Variants in NECAB1 observed in about 807,000 individuals in gnomAD.
NECAB1 encodes the protein N-terminal EF-hand calcium binding protein 1.
In NECAB1, 29 loss-of-function variants were observed where a neutral mutation model predicts 57.5. The observed-to-expected ratio is 0.50, with a 90% CI of 0.38 to 0.69. NECAB1 has a LOEUF of 0.69. NECAB1 is among the 30% of genes least tolerant of loss of function. NECAB1 has a pLI of 0.00. For missense variants in NECAB1, 372 were observed against 413.8 expected (o/e 0.90, Z 0.88); for synonymous variants, 142 against 147.7 (o/e 0.96, Z 0.28).
chr8:90,868,454 T>A (rs1353992501), intron 3 of NECAB1, among the ~76,000 whole-genome samples: 2 of 152,160 alleles, frequency 1.3e-5, no homozygotes, highest in Non-Finnish European at 2.9e-5. Flanking sequence ...TCCATAGTGA[T>A]ATGGGCAGTG....
intron 2 of NECAB1, among the ~76,000 whole-genome samples, chr8:90,822,577 A>G (rs1812159284): frequency 6.6e-6 from 1 of 151,808 alleles, no homozygotes; most frequent in Non-Finnish European, 1.5e-5. Context: ...GCCCCAGAGA[A>G]TCATCAGAGC....
chr8:90,909,127 T>C (rs1809766232), intron 5 of NECAB1, among the ~76,000 whole-genome samples: 1 of 152,244 alleles, frequency 6.6e-6, no homozygotes, highest in South Asian at 2.1e-4. Context: ...TTGACAAAAC[T>C]ATAGTGGATA....
chr8:90,942,888 A>G (rs1810708737), intron 10 of NECAB1, among the ~76,000 whole-genome samples: 1 of 152,214 alleles, frequency 6.6e-6, no homozygotes, highest in African/African-American at 2.4e-5. Flanking sequence ...TTTCAAAAAA[A>G]AAGAAAAATG....
chr8:90,950,911 A>T (rs187381759), intron 11 of NECAB1, among the ~76,000 whole-genome samples: 4 of 152,250 alleles, frequency 2.6e-5, no homozygotes, highest in Non-Finnish European at 4.4e-5. Context: ...AAACCTTTTT[A>T]AAAAAGTTTC....
chr8:90,897,588 C>T (rs1809387811), intron 5 of NECAB1, among the ~76,000 whole-genome samples: 1 of 152,120 alleles, frequency 6.6e-6, no homozygotes, highest in South Asian at 2.1e-4. Context: ...AGATTGCATG[C>T]TTCAGCAATG....
At chr8:90,941,841 A>G (rs1411757317) in intron 10 of NECAB1, among the ~76,000 whole-genome samples, 1 of 152,200 alleles carries the variant, frequency 6.6e-6, no homozygotes, top group Non-Finnish European at 1.5e-5. Context: ...CCTCAAGTTC[A>G]GAGCCCAGGT....
intron 5 of NECAB1, among the ~76,000 whole-genome samples, chr8:90,914,219 G>A (rs993361222): frequency 6.6e-6 from 1 of 152,174 alleles, no homozygotes; most frequent in East Asian, 1.9e-4. Flanking sequence ...AAATGGGGAA[G>A]ATAGACAAAT....
At chr8:90,843,433 GTTCTTT>G (rs1812491182) in intron 3 of NECAB1, among the ~76,000 whole-genome samples, 1 of 152,132 alleles carries the variant, frequency 6.6e-6, no homozygotes, top group South Asian at 2.1e-4. Context: ...TTCTCCTTCT[GTTCTTT>G]TTCTTTAAGT....
chr8:90,837,798 C>A (rs892394399), intron 3 of NECAB1, among the ~76,000 whole-genome samples: 3 of 152,194 alleles, frequency 2.0e-5, no homozygotes, highest in Non-Finnish European at 2.9e-5. Flanking sequence ...TTGAGCTTGA[C>A]AAATCATTAT....
At chr8:90,949,745 G>T in intron 10 of NECAB1, 62 bp from the exon 11 acceptor site, 1 of 953,840 alleles carries the variant, frequency 1.0e-6, no homozygotes. Context: ...ATGGATATTA[G>T]AAAAGTTAGC....
intron 2 of NECAB1, among the ~76,000 whole-genome samples, chr8:90,821,544 A>T (rs1313771606): frequency 6.6e-6 from 1 of 151,342 alleles, no homozygotes; most frequent in Non-Finnish European, 1.5e-5. Context: ...TGTCATTTGC[A>T]TTCCCTCTGC....
chr8:90,917,079 G>T (rs903829845), intron 5 of NECAB1, among the ~76,000 whole-genome samples: 3 of 152,160 alleles, frequency 2.0e-5, no homozygotes, highest in Non-Finnish European at 4.4e-5. Flanking sequence ...GTTGCATTTT[G>T]TTGGTAATAG....
At chr8:90,910,210 C>A (rs1809795197) in intron 5 of NECAB1, among the ~76,000 whole-genome samples, 1 of 137,522 alleles carries the variant, frequency 7.3e-6, no homozygotes, top group African/African-American at 2.6e-5. Flanking sequence ...TTCTTGAAAT[C>A]TTTTTCTTAA....
intron 1 of NECAB1, 85 bp from the exon 2 acceptor site, chr8:90,801,606 T>G: frequency 1.2e-6 from 1 of 814,178 alleles, no homozygotes; most frequent in Non-Finnish European, 2.0e-6. Flanking sequence ...TTTTATTTAA[T>G]TATGAATAAA....
At chr8:90,855,244 G>T (rs1365634785) in intron 3 of NECAB1, among the ~76,000 whole-genome samples, 3 of 151,902 alleles carry the variant, frequency 2.0e-5, no homozygotes, top group Admixed American at 6.6e-5. Context: ...GTTCTGTCTG[G>T]GTCACCATCA....
chr8:90,807,136 A>G (rs1301196668), intron 2 of NECAB1, among the ~76,000 whole-genome samples: 1 of 152,164 alleles, frequency 6.6e-6, no homozygotes, highest in Non-Finnish European at 1.5e-5. Context: ...AGTTTAATTG[A>G]TTTAATGCAT....
chr8:90,817,567 A>G (rs1210210655), intron 2 of NECAB1, among the ~76,000 whole-genome samples: 1 of 151,686 alleles, frequency 6.6e-6, no homozygotes, highest in African/African-American at 2.4e-5. Flanking sequence ...ATCAGTTGAT[A>G]TAATATGATT....
intron 5 of NECAB1, among the ~76,000 whole-genome samples, chr8:90,890,343 G>A (rs1809130054): frequency 6.6e-6 from 1 of 152,152 alleles, no homozygotes; most frequent in African/African-American, 2.4e-5. Context: ...CTGTGAAGAA[G>A]GTGCCTGATT....
intron 10 of NECAB1, among the ~76,000 whole-genome samples, chr8:90,945,210 G>A (rs1175122411): frequency 6.6e-6 from 1 of 152,110 alleles, no homozygotes; most frequent in Non-Finnish European, 1.5e-5. Flanking sequence ...TGGGACTATA[G>A]GTGCGTGCTG....
Sources: allele counts gnomAD v4.1 joint callset (sites outside exome capture counted in the v4.1 genomes callset), GRCh38; gene constraint gnomAD v4.1.1; transcripts MANE v1.5; gene names NCBI Gene and HGNC (gene_info 2026-07-23, HGNC 2026-07-21).